The following PKD2L2 variants were observed in gnomAD, a reference collection of about 807,000 sequenced individuals.
PKD2L2 encodes the protein polycystin 2 like 2, transient receptor potential cation channel, also known as polycystin-2-like protein 2.
In PKD2L2, 67 loss-of-function variants were observed where a neutral mutation model predicts 83.9. The observed-to-expected ratio is 0.80, with a 90% CI of 0.66 to 0.98. The LOEUF is 0.98. Among genes scored for constraint, PKD2L2 ranks in the 50% least tolerant of loss-of-function variants. The probability of loss-of-function intolerance (pLI) is 0.00; values close to 1 mark genes in which losing one functional copy is unlikely to be tolerated. For synonymous variants in PKD2L2, 223 were observed against 237.8 expected (o/e 0.94, Z 0.57); for missense variants, 632 against 717.2 (o/e 0.88, Z 1.36).
chr5:137,941,204 G>A (rs1204174196), intron 14 of PKD2L2, among the ~76,000 whole-genome samples: 3 of 152,074 alleles, frequency 2.0e-5, no homozygotes, highest in Admixed American at 6.5e-5. Context: ...CACTGCGCCT[G>A]GCCCACTTCA....
chr5:137,941,230 A>G (rs913779510), intron 14 of PKD2L2, among the ~76,000 whole-genome samples: 3 of 151,942 alleles, frequency 2.0e-5, no homozygotes, highest in African/African-American at 4.8e-5. Flanking sequence ...TTTTTTAACC[A>G]TATGTGCCAA....
At chr5:137,920,316 T>C (rs532748225) in intron 8 of PKD2L2, among the ~76,000 whole-genome samples, 1 of 152,300 alleles carries the variant, frequency 6.6e-6, no homozygotes, top group South Asian at 2.1e-4. Context: ...GAAAATAAAA[T>C]AAGATTTTCA....
intron 7 of PKD2L2, 26 bp downstream of exon 7, chr5:137,907,938 A>G: frequency 9.8e-7 from 1 of 1,024,752 alleles, no homozygotes; most frequent in Non-Finnish European, 1.4e-6. Flanking sequence ...TATATTACAT[A>G]ATACAAGCAG....
At chr5:137,890,637 G>T in intron 2 of PKD2L2, 55 bp downstream of exon 2, 1 of 766,426 alleles carries the variant, frequency 1.3e-6, no homozygotes, top group Non-Finnish European at 2.1e-6. Flanking sequence ...TTAAAATGTG[G>T]AGATGAAAAA....
In PKD2L2 at chr5:137,925,066, C is replaced by G; in HGVS notation, c.1578C>G (p.Phe526Leu). The change falls in exon 11 of 15, where the codon TTC becomes TTG. Residue 526 changes from phenylalanine (F) to leucine (L), a missense_variant. Physicochemically the swap from Phe to Leu is conservative, Grantham distance 22 (BLOSUM62 0). Transcript: ENST00000508883. ...KQSYKNVLEK[F>L]RLKKAQKDED... is the part of the protein sequence containing the mutation. ...GTTACAAAAATGTTCTCGAGAAATT[C>G]AGACTGAAGAAAGCTCAAAAAGATG... The G allele has an allele frequency of 6.2e-7, 1 of 1,603,636 alleles. No homozygotes were observed. Among genetic ancestry groups the G allele is most frequent in the Non-Finnish European group, 8.5e-7 (1 of 1,170,862 alleles).
chr5:137,911,283 G>A (rs1757813289), intron 8 of PKD2L2, among the ~76,000 whole-genome samples: 1 of 152,136 alleles, frequency 6.6e-6, no homozygotes. Context: ...CATCCATGTT[G>A]TAGCATGTAG....
chr5:137,906,098 A>C, intron 5 of PKD2L2, 108 bp from the exon 6 acceptor site: 1 of 644,948 alleles, frequency 1.6e-6, no homozygotes, highest in Non-Finnish European at 2.7e-6. Flanking sequence ...ATTAAAAAAA[A>C]CTGATTATCA....
At chr5:137,925,472 A>C (rs1413290819) in intron 11 of PKD2L2, among the ~76,000 whole-genome samples, 1 of 152,266 alleles carries the variant, frequency 6.6e-6, no homozygotes, top group African/African-American at 2.4e-5. Flanking sequence ...AAAAGCTGTA[A>C]GAGAAAGCTG....
Position 137,936,322 on chromosome 5 carries a change from T to A in PKD2L2, c.1787T>A (p.Leu596His). ...CTACTTCCTTCGAAATTTTCTAGAC[T>A]TTTTTTATATGCTGTGGAGCTGGAG... ...QPVTQEEFRE[L>H]FLYAVELEKE... is the part of the protein sequence containing the mutation. The change falls in exon 14 of 15, where the codon CTT becomes CAT. Residue 596 changes from leucine to histidine, a missense_variant and splice_region_variant. Leu to His is a moderately conservative substitution (Grantham distance 99). Transcript: ENST00000508883. The A allele has an allele frequency of 6.5e-7, 1 of 1,527,066 alleles. No individual in the cohort carries two copies. Among genetic ancestry groups the A allele is most frequent in the Non-Finnish European group, 8.8e-7 (1 of 1,138,762 alleles). The allele number at this position is 1,527,066 out of a possible 1,614,324, so 94.6% of individuals were successfully genotyped here.
rs1317014747 is a variant in PKD2L2 at position 137,889,498 on chromosome 5, G to A, written c.7G>A (p.Glu3Lys). The change falls in exon 1 of 15, where the codon GAG becomes AAG. Residue 3 changes from glutamate (E) to lysine (K), a missense_variant. Physicochemically the swap from Glu to Lys is moderately conservative, Grantham distance 56. Coordinates refer to ENST00000508883, the MANE Select transcript of PKD2L2 (RefSeq NM_001300921.2). ...GGTGTAGTGCAGGTCCGCCATGGCT[G>A]AGGCGTCACGGTGGCACCGAGGCGG... MA[E>K]ASRWHRGGAS... 2 of 1,563,136 alleles carry A rather than the reference G, an allele frequency of 1.3e-6. No homozygotes were observed. The highest frequency in any genetic ancestry group is 1.7e-6 in the Non-Finnish European group (2 of 1,161,422).
intron 4 of PKD2L2, among the ~76,000 whole-genome samples, chr5:137,899,145 G>A (rs879642529): frequency 1.7e-4 from 26 of 152,102 alleles, no homozygotes; most frequent in Admixed American, 1.4e-3. Flanking sequence ...TTGAGACAAG[G>A]TCTGGCTCTT....
At chr5:137,934,654 A>C (rs1760162614) in intron 12 of PKD2L2, among the ~76,000 whole-genome samples, 1 of 152,232 alleles carries the variant, frequency 6.6e-6, no homozygotes, top group African/African-American at 2.4e-5. Flanking sequence ...CTAAAAAAAA[A>C]TACAAAAATT....
intron 5 of PKD2L2, 76 bp downstream of exon 5, chr5:137,899,813 T>G: frequency 1.4e-6 from 1 of 722,782 alleles, no homozygotes; most frequent in South Asian, 1.8e-5. Context: ...CAGTTGACCC[T>G]TGAACCACAT....
At chr5:137,942,293 G>A in intron 14 of PKD2L2, 91 bp from the exon 15 acceptor site, 1 of 466,352 alleles carries the variant, frequency 2.1e-6, no homozygotes, top group South Asian at 3.9e-5. Context: ...GTAAAGAAGT[G>A]GATATAGAAC....
At chr5:137,895,357 A>G (rs1428114416) in intron 4 of PKD2L2, among the ~76,000 whole-genome samples, 1 of 151,818 alleles carries the variant, frequency 6.6e-6, no homozygotes, top group African/African-American at 2.4e-5. Flanking sequence ...CTGTAGTCCA[A>G]GATACTCGGG....
intron 14 of PKD2L2, chr5:137,940,249 T>C (rs968318747): frequency 6.2e-7 from 1 of 1,614,068 alleles, no homozygotes; most frequent in Non-Finnish European, 8.5e-7. Context: ...AAGAATCTTG[T>C]TTGCTTATAA....
At chr5:137,898,901 GA>G (rs1310638514) in intron 4 of PKD2L2, among the ~76,000 whole-genome samples, 1 of 152,102 alleles carries the variant, frequency 6.6e-6, no homozygotes, top group East Asian at 1.9e-4. Context: ...GCTAATTTTT[GA>G]AAAGTTATGG....
intron 5 of PKD2L2, among the ~76,000 whole-genome samples, chr5:137,900,648 C>T (rs1452311870): frequency 6.6e-6 from 1 of 152,118 alleles, no homozygotes; most frequent in African/African-American, 2.4e-5. Context: ...GCCCTTTTTG[C>T]AAAATACCTT....
chr5:137,896,945 T>G (rs1289558824), intron 4 of PKD2L2, among the ~76,000 whole-genome samples: 1 of 150,692 alleles, frequency 6.6e-6, no homozygotes, highest in Non-Finnish European at 1.5e-5. Context: ...TTTAACTTGT[T>G]TCTTCTTTGT....
Sources: gnomAD v4.1 joint callset for allele counts (sites outside exome capture counted in the v4.1 genomes callset) on GRCh38, gnomAD v4.1.1 for gene constraint, MANE v1.5 for transcripts, NCBI Gene and HGNC (gene_info 2026-07-23, HGNC 2026-07-21) for gene names.